Variants in AKAP9 observed in about 807,000 individuals in gnomAD.
AKAP9 encodes the protein A-kinase anchoring protein 9.
In AKAP9, 311 loss-of-function variants were observed where a neutral mutation model predicts 488.5. The observed-to-expected ratio is 0.64, with a 90% CI of 0.58 to 0.70. The LOEUF is 0.70. AKAP9 is among the 30% of genes least tolerant of loss of function. The pLI is 0.00. For missense variants in AKAP9, 4,215 were observed against 4,374.5 expected, an observed-to-expected ratio of 0.96 and a Z score of 1.03; for synonymous variants, 1,462 against 1,483.5, an observed-to-expected ratio of 0.99 and a Z score of 0.33.
chr7:92,017,633 A>G (rs1801709337), intron 12 of AKAP9, among the ~76,000 whole-genome samples: 1 of 152,222 alleles, frequency 6.6e-6, no homozygotes, highest in African/African-American at 2.4e-5. Flanking sequence ...ATGTAGAAGG[A>G]AATCCAGAAA....
At chr7:91,966,886 G>T (rs1422586241) in intron 1 of AKAP9, among the ~76,000 whole-genome samples, 22 of 152,058 alleles carry the variant, frequency 1.4e-4, no homozygotes, top group Non-Finnish European at 1.5e-5. Flanking sequence ...TTTCAATAGG[G>T]ATTGTATTGA....
intron 2 of AKAP9, among the ~76,000 whole-genome samples, chr7:91,975,250 C>T (rs1562921297): frequency 6.6e-6 from 1 of 152,232 alleles, no homozygotes; most frequent in South Asian, 2.1e-4. Flanking sequence ...GTGATCCTCC[C>T]GCTCTGGCTC....
intron 1 of AKAP9, among the ~76,000 whole-genome samples, chr7:91,941,469 A>G (rs559014301): frequency 6.6e-6 from 1 of 151,914 alleles, no homozygotes; most frequent in South Asian, 2.1e-4. Flanking sequence ...CCGATCTTTC[A>G]TTTTTTTAAG....
At position 92,002,342 on chromosome 7, in the gene AKAP9, A is replaced by T. The variant is rs144615758; in HGVS notation, c.2425A>T (p.Ile809Phe). 45 of 1,612,990 alleles carry T rather than the reference A, an allele frequency of 2.8e-5. No individual in the cohort carries two copies. The highest frequency in any genetic ancestry group is 3.7e-5 in the Non-Finnish European group (44 of 1,179,374). Reference sequence around the variant, plus strand: ...AGAAAGATTGATTTTCTTAGACTCCATTAAGTCCAAATCCAAAGACTCTGT... The same window carrying T: ...AGAAAGATTGATTTTCTTAGACTCCTTTAAGTCCAAATCCAAAGACTCTGT... ...QEERLIFLDS[I>F]KSKSKDSVWE... Residue 809 changes from isoleucine to phenylalanine, a missense_variant, in exon 8 of 50, where the codon ATT becomes TTT. Physicochemically the swap from Ile to Phe is conservative, Grantham distance 21. Coordinates refer to ENST00000356239, the MANE Select transcript of AKAP9 (RefSeq NM_005751.5).
chr7:92,097,530 T>C (rs749008420), intron 41 of AKAP9, 56 bp from the exon 42 acceptor site: 624 of 1,565,062 alleles, frequency 4.0e-4, no homozygotes, highest in Non-Finnish European at 4.0e-4. Context: ...TAAGATAGAC[T>C]GTGATATGCT....
intron 14 of AKAP9, among the ~76,000 whole-genome samples, chr7:92,029,177 T>G (rs1229995044): frequency 6.6e-6 from 1 of 151,896 alleles, no homozygotes; most frequent in African/African-American, 2.4e-5. Flanking sequence ...ATGACCTAAG[T>G]TAAGCGTTTT....
intron 21 of AKAP9, among the ~76,000 whole-genome samples, chr7:92,050,402 C>CGTCA (rs1332349674): frequency 6.6e-6 from 1 of 151,984 alleles, no homozygotes; most frequent in African/African-American, 2.4e-5. Flanking sequence ...GCTGATTTGA[C>CGTCA]AACTGGGAGG....
intron 28 of AKAP9, among the ~76,000 whole-genome samples, chr7:92,072,527 A>G (rs999647726): frequency 6.6e-6 from 1 of 152,212 alleles, no homozygotes; most frequent in African/African-American, 2.4e-5. Flanking sequence ...GTATAAATAT[A>G]AGATGTCCCT....
chr7:92,022,675 T>C (rs748015915), intron 13 of AKAP9, 139 bp from the exon 14 acceptor site: 8 of 660,132 alleles, frequency 1.2e-5, no homozygotes, highest in African/African-American at 1.8e-5. Context: ...AGAATGAGTT[T>C]AAATTGAAAC....
intron 3 of AKAP9, among the ~76,000 whole-genome samples, chr7:91,986,574 T>C (rs1797121815): frequency 6.6e-6 from 1 of 152,198 alleles, no homozygotes; most frequent in Non-Finnish European, 1.5e-5. Flanking sequence ...TTTGAAAAGC[T>C]AAAGAGGTCA....
At chr7:91,992,737 A>T in intron 4 of AKAP9, 148 bp from the exon 5 acceptor site, 1 of 682,910 alleles carries the variant, frequency 1.5e-6, no homozygotes, top group East Asian at 2.8e-5. Flanking sequence ...TGAGGTAAAT[A>T]TGTTAACGAA....
intron 1 of AKAP9, among the ~76,000 whole-genome samples, chr7:91,958,530 T>A (rs1018266883): frequency 2.6e-4 from 39 of 152,206 alleles, no homozygotes; most frequent in African/African-American, 9.4e-4. Context: ...AGGTGACATC[T>A]AAACAGCACT....
In AKAP9 at chr7:92,084,571, A is replaced by G. The variant is rs113878493; in HGVS notation, c.8647-69A>G. The stretch of plus-strand genomic sequence containing the variant: ...ATTGATTACAGCACGGGAAACCAGC[A>G]AAATAATTCATTGTATTCTATTTTT... On this transcript the variant is annotated intron_variant, in intron 33 of 49. Coordinates refer to ENST00000356239, the MANE Select transcript of AKAP9 (RefSeq NM_005751.5). 1.1e-5 allele frequency: 13 copies of G among 1,190,104 alleles called. 1 individual carries two copies. In the African/African-American group the frequency reaches 1.2e-4, roughly 11 times the overall value. The allele number at this position is 1,190,104 out of a possible 1,614,324, so 73.7% of individuals were successfully genotyped here.
chr7:92,069,929 A>G, intron 26 of AKAP9, 101 bp from the exon 27 acceptor site: 1 of 1,062,168 alleles, frequency 9.4e-7, no homozygotes, highest in South Asian at 1.5e-5. Flanking sequence ...ATTTTGGAGC[A>G]TTTTGGATTG....
chr7:92,075,524 T>G (rs1341515569), intron 28 of AKAP9, among the ~76,000 whole-genome samples: 1 of 152,214 alleles, frequency 6.6e-6, no homozygotes, highest in Non-Finnish European at 1.5e-5. Flanking sequence ...CATTAGTTAT[T>G]AGAAGCAGGA....
intron 37 of AKAP9, among the ~76,000 whole-genome samples, chr7:92,087,195 G>A (rs1227927873): frequency 2.0e-5 from 3 of 152,198 alleles, no homozygotes; most frequent in Non-Finnish European, 4.4e-5. Context: ...ATACATTTTA[G>A]TGAGAAGGCA....
intron 22 of AKAP9, chr7:92,058,024 T>C (rs1809091029): frequency 3.2e-6 from 1 of 314,894 alleles, no homozygotes; most frequent in African/African-American, 2.2e-5. Flanking sequence ...GTTGTATGAA[T>C]TAATTTTATA....
intron 18 of AKAP9, 145 bp downstream of exon 18, chr7:92,041,043 A>G (rs1806023343): frequency 3.0e-6 from 2 of 661,916 alleles, no homozygotes; most frequent in African/African-American, 1.8e-5. Context: ...TAAACTACAT[A>G]TATTTAGCAT....
chr7:92,049,796 C>G (rs922815382), intron 21 of AKAP9, among the ~76,000 whole-genome samples: 32 of 151,798 alleles, frequency 2.1e-4, no homozygotes, highest in Non-Finnish European at 5.9e-5. Flanking sequence ...ACGTCTTTGC[C>G]TTTTCTAGGT....
Sources: allele counts gnomAD v4.1 joint callset (sites outside exome capture counted in the v4.1 genomes callset), GRCh38; gene constraint gnomAD v4.1.1; transcripts MANE v1.5; gene names NCBI Gene and HGNC (gene_info 2026-07-23, HGNC 2026-07-21).